Variants in HCRTR2 observed in about 807,000 individuals in gnomAD.
HCRTR2 encodes the protein orexin receptor type 2.
A neutral mutation model predicts 49.0 loss-of-function variants in HCRTR2; 22 were observed. That is an observed-to-expected ratio of 0.45 (90% CI 0.32 to 0.64). The LOEUF is 0.64. Among genes scored for constraint, HCRTR2 ranks in the 30% least tolerant of loss-of-function variants. The pLI, the probability that HCRTR2 is intolerant of heterozygous loss-of-function variation, is 0.04. For missense variants in HCRTR2, 491 were observed against 559.4 expected, an observed-to-expected ratio of 0.88 and a Z score of 1.23; for synonymous variants, 236 against 205.3, an observed-to-expected ratio of 1.15 and a Z score of -1.28.
intron 1 of HCRTR2, among the ~76,000 whole-genome samples, chr6:55,185,858 T>C (rs1467063072): frequency 6.6e-6 from 1 of 152,254 alleles, no homozygotes; most frequent in African/African-American, 2.4e-5. Flanking sequence ...TGACAATCTT[T>C]CTGTAAACAG....
At chr6:55,265,629 C>A (rs550181284) in intron 4 of HCRTR2, among the ~76,000 whole-genome samples, 204 of 152,234 alleles carry the variant, frequency 1.3e-3, no homozygotes, top group Non-Finnish European at 2.1e-3. Flanking sequence ...GGGACACATT[C>A]TTCTCTGACA....
chr6:55,188,954 A>C (rs912502616), intron 1 of HCRTR2, among the ~76,000 whole-genome samples: 1 of 152,222 alleles, frequency 6.6e-6, no homozygotes, highest in African/African-American at 2.4e-5. Context: ...GTGAAGTACT[A>C]AGATTAAATG....
At chr6:55,152,502 C>T (rs919641413) in intron 1 of HCRTR2, among the ~76,000 whole-genome samples, 2 of 151,778 alleles carry the variant, frequency 1.3e-5, no homozygotes, top group South Asian at 4.1e-4. Flanking sequence ...ATCTGATATA[C>T]GGTGCCTTAG....
intron 1 of HCRTR2, among the ~76,000 whole-genome samples, chr6:55,118,770 C>CTTATTTAT (rs112088841): frequency 1.4e-4 from 21 of 150,702 alleles, no homozygotes; most frequent in African/African-American, 2.4e-4. Flanking sequence ...TGTAAATTTT[C>CTTATTTAT]TTATTTATTT....
At chr6:55,154,283 TTA>T (rs1764701360) in intron 1 of HCRTR2, among the ~76,000 whole-genome samples, 2 of 151,946 alleles carry the variant, frequency 1.3e-5, no homozygotes, top group Non-Finnish European at 2.9e-5. Flanking sequence ...GAGGCCAGCA[TTA>T]TTCTGATACC....
chr6:55,150,224 G>A (rs1434645847), intron 1 of HCRTR2, among the ~76,000 whole-genome samples: 1 of 151,844 alleles, frequency 6.6e-6, no homozygotes, highest in Non-Finnish European at 1.5e-5. Flanking sequence ...TGAGTTTGAA[G>A]ATTAGTAAAC....
intron 1 of HCRTR2, among the ~76,000 whole-genome samples, chr6:55,115,752 T>G (rs1047957311): frequency 6.6e-6 from 1 of 151,648 alleles, no homozygotes; most frequent in Non-Finnish European, 1.5e-5. Context: ...CAGCTGTTAC[T>G]TAATCAGAAA....
intron 1 of HCRTR2, among the ~76,000 whole-genome samples, chr6:55,204,847 G>A (rs138219899): frequency 2.0e-5 from 3 of 150,818 alleles, no homozygotes; most frequent in African/African-American, 7.3e-5. Flanking sequence ...GTCTAGTTTC[G>A]CGATCTCGAC....
intron 1 of HCRTR2, among the ~76,000 whole-genome samples, chr6:55,127,351 C>G (rs952289195): frequency 6.6e-6 from 1 of 152,060 alleles, no homozygotes; most frequent in Non-Finnish European, 1.5e-5. Flanking sequence ...TTGCACTTCC[C>G]AGGTAAGGCG....
intron 1 of HCRTR2, among the ~76,000 whole-genome samples, chr6:55,145,047 C>G (rs943975649): frequency 6.6e-6 from 1 of 152,142 alleles, no homozygotes; most frequent in Admixed American, 6.5e-5. Context: ...TTTGTTGCTT[C>G]TTTTACCGCC....
chr6:55,126,614 G>A lies in HCRTR2; in HGVS notation c.-378+20069G>A, dbSNP rs143908596. 3.4e-3 allele frequency among the ~76,000 whole-genome samples: 515 copies of A among 152,338 alleles called. 7 individuals are homozygous for A. Among genetic ancestry groups the A allele is most frequent in the African/African-American group, 0.012 (485 of 41,580 alleles). On this transcript the variant is annotated intron_variant, in intron 1 of 7. Transcript: ENST00000615358. ...GGCAATCTGCCCCTTAGCAGAGCTC[G>A]AATGCTGTGCTGGGTGGTCCACTGC... is the stretch of plus-strand genomic sequence containing the variant.
chr6:55,206,614 C>A (rs1395741372), intron 1 of HCRTR2, among the ~76,000 whole-genome samples: 1 of 151,898 alleles, frequency 6.6e-6, no homozygotes, highest in Non-Finnish European at 1.5e-5. Context: ...AGCCAGTAAT[C>A]TTTCTAAAAA....
chr6:55,273,681 G>T (rs1397649900), intron 4 of HCRTR2, among the ~76,000 whole-genome samples: 1 of 151,956 alleles, frequency 6.6e-6, no homozygotes, highest in Non-Finnish European at 1.5e-5. Flanking sequence ...AAGCAATGTT[G>T]TTTGTGGTTT....
At chr6:55,145,633 T>C (rs1764571005) in intron 1 of HCRTR2, among the ~76,000 whole-genome samples, 1 of 152,126 alleles carries the variant, frequency 6.6e-6, no homozygotes, top group African/African-American at 2.4e-5. Context: ...GCCAGGATGG[T>C]CTCAATCTCC....
At chr6:55,127,305 G>A (rs575054353) in intron 1 of HCRTR2, among the ~76,000 whole-genome samples, 1 of 151,954 alleles carries the variant, frequency 6.6e-6, no homozygotes, top group African/African-American at 2.4e-5. Context: ...AGTTCCTCAC[G>A]GCTCCCTCAG....
intron 1 of HCRTR2, among the ~76,000 whole-genome samples, chr6:55,194,355 AAAC>A (rs1765373972): frequency 6.6e-6 from 1 of 152,184 alleles, no homozygotes; most frequent in Non-Finnish European, 1.5e-5. Context: ...CTTTCCCTTT[AAAC>A]AACAATAGTA....
intron 4 of HCRTR2, among the ~76,000 whole-genome samples, chr6:55,276,425 A>G (rs1373782366): frequency 6.6e-6 from 1 of 152,246 alleles, no homozygotes; most frequent in South Asian, 2.1e-4. Flanking sequence ...AGAAACCACA[A>G]GGACACATTG....
chr6:55,109,643 T>A (rs898842034), intron 1 of HCRTR2, among the ~76,000 whole-genome samples: 1 of 151,608 alleles, frequency 6.6e-6, no homozygotes, highest in Non-Finnish European at 1.5e-5. Flanking sequence ...AGACAAGGAT[T>A]TGAATTAACA....
chr6:55,152,541 A>G (rs1056675517), intron 1 of HCRTR2, among the ~76,000 whole-genome samples: 2 of 151,996 alleles, frequency 1.3e-5, no homozygotes, highest in Non-Finnish European at 2.9e-5. Flanking sequence ...ACAAAATACT[A>G]TAGCCTAAGT....
Sources: allele counts gnomAD v4.1 joint callset (sites outside exome capture counted in the v4.1 genomes callset), GRCh38; gene constraint gnomAD v4.1.1; transcripts MANE v1.5; gene names NCBI Gene and HGNC (gene_info 2026-07-23, HGNC 2026-07-21).